The following NUFIP1 variants were observed in gnomAD, a reference collection of about 807,000 sequenced individuals.
The protein encoded by NUFIP1 is FMR1-interacting protein NUFIP1.
A neutral mutation model predicts 56.2 loss-of-function variants in NUFIP1; 38 were observed. The ratio of observed to expected loss-of-function variants is 0.68; its 90% CI spans 0.52 to 0.89. The LOEUF is 0.89. Among genes scored for constraint, NUFIP1 ranks in the 40% least tolerant of loss-of-function variants. The pLI, the probability that NUFIP1 is intolerant of heterozygous loss-of-function variation, is 0.00. For synonymous variants in NUFIP1, 215 were observed against 212.4 expected (o/e 1.01, Z -0.10); for missense variants, 567 against 605.8 (o/e 0.94, Z 0.67).
At chr13:44,978,755 A>G (rs1872077652) in intron 5 of NUFIP1, among the ~76,000 whole-genome samples, 1 of 152,200 alleles carries the variant, frequency 6.6e-6, no homozygotes, top group Non-Finnish European at 1.5e-5. Flanking sequence ...AAGATCAAGA[A>G]AGATACTTCA....
chr13:44,944,975 C>A (rs1357620041), intron 8 of NUFIP1, among the ~76,000 whole-genome samples: 1 of 151,950 alleles, frequency 6.6e-6, no homozygotes, highest in Non-Finnish European at 1.5e-5. Context: ...AATCAATTAT[C>A]TATGCTTCTA....
intron 5 of NUFIP1, among the ~76,000 whole-genome samples, chr13:44,968,088 A>G (rs1871673006): frequency 6.6e-6 from 1 of 152,198 alleles, no homozygotes; most frequent in South Asian, 2.1e-4. Flanking sequence ...CAGAAAAAAA[A>G]TGTAATGAAT....
At chr13:44,981,006 CA>C (rs1161285029) in intron 2 of NUFIP1, among the ~76,000 whole-genome samples, 186 bp from the exon 3 acceptor site, 2 of 152,054 alleles carry the variant, frequency 1.3e-5, no homozygotes, top group African/African-American at 4.8e-5. Context: ...TTGTTTTTAA[CA>C]AATATATTAG....
At chr13:44,953,619 T>C (rs1421991319) in intron 7 of NUFIP1, among the ~76,000 whole-genome samples, 3 of 152,212 alleles carry the variant, frequency 2.0e-5, no homozygotes, top group Non-Finnish European at 2.9e-5. Context: ...CTCTTTCTAG[T>C]ATCCTTCTGA....
chr13:44,979,311 G>T, intron 4 of NUFIP1, 45 bp from the exon 5 acceptor site: 1 of 1,485,616 alleles, frequency 6.7e-7, no homozygotes, highest in Non-Finnish European at 9.3e-7. Flanking sequence ...AATATCATAT[G>T]CTTTTGACTA....
At chr13:44,948,813 A>G (rs1456433888) in intron 8 of NUFIP1, among the ~76,000 whole-genome samples, 4 of 152,250 alleles carry the variant, frequency 2.6e-5, no homozygotes, top group Non-Finnish European at 4.4e-5. Flanking sequence ...TACCATCCGT[A>G]ACATCATCTT....
At chr13:44,984,889 G>C (rs1872328075) in intron 1 of NUFIP1, among the ~76,000 whole-genome samples, 1 of 152,038 alleles carries the variant, frequency 6.6e-6, no homozygotes, top group Non-Finnish European at 1.5e-5. Context: ...TCCCCAGAGT[G>C]TGATGTTCTC....
At position 44,989,039 on chromosome 13, in the gene NUFIP1, G is replaced by A. The variant is rs1041368383; in HGVS notation, c.398C>T (p.Ser133Phe). The A allele has an allele frequency of 2.5e-6, 4 of 1,614,006 alleles. No homozygotes were observed. Among genetic ancestry groups the A allele is most frequent in the Non-Finnish European group, 3.4e-6 (4 of 1,179,990 alleles). Residue 133 changes from serine to phenylalanine, a missense_variant, in exon 1 of 10, where the codon TCC becomes TTC. Transcript: ENST00000379161. ...SSDRFPRHQKSFNPAVKNSYY... is the reference protein window; with the variant it reads ...SSDRFPRHQKFFNPAVKNSYY... ...AAATAGCCTACCTGCAGGGTTGAAG[G>A]ACTTCTGATGCCGAGGAAACCTATC...
At chr13:44,965,719 A>T (rs1871574614) in intron 6 of NUFIP1, 125 bp downstream of exon 6, 3 of 392,468 alleles carry the variant, frequency 7.6e-6, no homozygotes, top group Admixed American at 4.5e-5. Context: ...TAAAAATAAA[A>T]ATAAATAAAT....
chr13:44,987,513 A>T (rs1483666259), intron 1 of NUFIP1, among the ~76,000 whole-genome samples: 1 of 151,996 alleles, frequency 6.6e-6, no homozygotes, highest in Non-Finnish European at 1.5e-5. Flanking sequence ...AGACTATGGT[A>T]TAATGTAAAA....
chr13:44,954,092 A>G (rs1871155867), intron 7 of NUFIP1, among the ~76,000 whole-genome samples: 2 of 152,114 alleles, frequency 1.3e-5, no homozygotes, highest in South Asian at 4.1e-4. Flanking sequence ...CTATAGGTAA[A>G]GACTATGCTG....
At chr13:44,949,975 G>A in intron 7 of NUFIP1, 137 bp from the exon 8 acceptor site, 1 of 675,040 alleles carries the variant, frequency 1.5e-6, no homozygotes, top group Non-Finnish European at 2.7e-6. Flanking sequence ...AATTCTAGGG[G>A]GCCAGAAACA....
In NUFIP1 at chr13:44,979,885, C is replaced by T. The variant is rs777799537; in HGVS notation, c.657+5G>A. ...TTAAAAATAGGATAAAAAAACAGAA[C>T]TTACATTTCTCCAATGGAACTGGAC... On this transcript the variant is annotated splice_donor_5th_base_variant and intron_variant, in intron 4 of 9. Transcript: ENST00000379161. 2 of 1,590,056 alleles carry T rather than the reference C, an allele frequency of 1.3e-6. No homozygotes were observed. Among genetic ancestry groups the T allele is most frequent in the Non-Finnish European group, 1.7e-6 (2 of 1,170,794 alleles).
intron 7 of NUFIP1, among the ~76,000 whole-genome samples, chr13:44,957,866 C>T (rs1871296200): frequency 6.6e-6 from 1 of 151,742 alleles, no homozygotes; most frequent in South Asian, 2.1e-4. Flanking sequence ...TAGTAACTTA[C>T]TGATTATAAT....
At position 44,943,484 on chromosome 13, in the gene NUFIP1, C is replaced by T. The variant is rs776967467; in HGVS notation, c.1329G>A (p.Thr443=). The T allele has an allele frequency of 2.7e-5, 44 of 1,613,872 alleles. No individual in the cohort carries two copies. Among genetic ancestry groups the T allele is most frequent in the Middle Eastern group, 1.6e-4 (1 of 6,070 alleles). The part of the protein sequence containing the change: ...KRKKDYHNYQ[T]LFEPRTHHPY... ...GATGGTGTGTTCTTGGTTCGAATAA[C>T]GTTTGATAGTTGTGATAATCTTTTT... The change falls in exon 9 of 10, where the codon ACG becomes ACA. Residue 443 remains threonine (T), a synonymous_variant. Coordinates refer to ENST00000379161, the MANE Select transcript of NUFIP1 (RefSeq NM_012345.3).
At chr13:44,947,439 A>T (rs372719493) in intron 8 of NUFIP1, among the ~76,000 whole-genome samples, 4 of 151,904 alleles carry the variant, frequency 2.6e-5, no homozygotes, top group East Asian at 1.9e-4. Context: ...GGGTTTCATC[A>T]TGTTGACCAG....
intron 8 of NUFIP1, among the ~76,000 whole-genome samples, chr13:44,947,665 C>T (rs1870944070): frequency 6.6e-6 from 1 of 152,186 alleles, no homozygotes; most frequent in Admixed American, 6.5e-5. Context: ...TATAAAAATA[C>T]TGTTCCATCT....
At chr13:44,956,080 CCTGCAGTGAGCCGAGATTGCGCCA>C (rs1051813338) in intron 7 of NUFIP1, among the ~76,000 whole-genome samples, 1 of 150,014 alleles carries the variant, frequency 6.7e-6, no homozygotes, top group Non-Finnish European at 1.5e-5. Flanking sequence ...GGGGGCAGAG[CCTGCAGTGAGCCGAGATTGCGCCA>C]CTGCACTCCA....
intron 2 of NUFIP1, among the ~76,000 whole-genome samples, chr13:44,981,375 C>T (rs1411579070): frequency 6.6e-6 from 1 of 152,010 alleles, no homozygotes; most frequent in Non-Finnish European, 1.5e-5. Flanking sequence ...TATGTGGACA[C>T]CATTTCATTT....
Sources: gnomAD v4.1 joint callset for allele counts (sites outside exome capture counted in the v4.1 genomes callset) on GRCh38, gnomAD v4.1.1 for gene constraint, MANE v1.5 for transcripts, NCBI Gene and HGNC (gene_info 2026-07-23, HGNC 2026-07-21) for gene names.